Variants in FUBP3 observed in about 807,000 individuals in gnomAD.
FUBP3 encodes the protein far upstream element binding protein 3.
Under a neutral mutation model 85.6 loss-of-function variants are expected in FUBP3, and 28 were observed. That is an observed-to-expected ratio of 0.33 (90% CI 0.24 to 0.45). The LOEUF (loss-of-function observed/expected upper bound fraction) is 0.45. Among genes scored for constraint, FUBP3 ranks in the 20% least tolerant of loss-of-function variants. The probability of loss-of-function intolerance (pLI) is 1.00; values close to 1 mark genes in which losing one functional copy is unlikely to be tolerated. For missense variants in FUBP3, 583 were observed against 755.1 expected, an observed-to-expected ratio of 0.77 and a Z score of 2.67; for synonymous variants, 271 against 271.4, an observed-to-expected ratio of 1.00 and a Z score of 0.01.
intron 1 of FUBP3, among the ~76,000 whole-genome samples, chr9:130,594,040 A>C (rs1263976533): frequency 6.6e-6 from 1 of 152,204 alleles, no homozygotes; most frequent in Non-Finnish European, 1.5e-5. Context: ...TTGTCTGGAC[A>C]CTTCCAGTAA....
intron 1 of FUBP3, among the ~76,000 whole-genome samples, chr9:130,583,695 T>A (rs1232137761): frequency 6.6e-6 from 1 of 152,194 alleles, no homozygotes; most frequent in Non-Finnish European, 1.5e-5. Flanking sequence ...TGGGACCCAG[T>A]AGAGTACCTG....
At chr9:130,583,598 T>C (rs951404922) in intron 1 of FUBP3, among the ~76,000 whole-genome samples, 16 of 152,324 alleles carry the variant, frequency 1.1e-4, no homozygotes, top group African/African-American at 3.6e-4. Context: ...AACTCCTGCC[T>C]GTACACTCAT....
intron 10 of FUBP3, among the ~76,000 whole-genome samples, chr9:130,623,255 CGTG>C (rs1190496686): frequency 6.6e-6 from 1 of 152,134 alleles, no homozygotes; most frequent in Admixed American, 6.6e-5. Context: ...AAATTTTCGA[CGTG>C]GTCTGAAAAG....
chr9:130,620,331 G>A, intron 8 of FUBP3, 23 bp from the exon 9 acceptor site: 1 of 1,380,036 alleles, frequency 7.2e-7, no homozygotes, highest in Non-Finnish European at 1.0e-6. Flanking sequence ...TTCTCATAAT[G>A]CTTTTTGTTT....
intron 9 of FUBP3, among the ~76,000 whole-genome samples, chr9:130,622,477 C>G (rs1435774688): frequency 6.6e-6 from 1 of 151,936 alleles, no homozygotes; most frequent in Non-Finnish European, 1.5e-5. Context: ...ACTAAAAATA[C>G]AAAAATTCGC....
Position 130,596,881 on chromosome 9 carries a change from C to T in FUBP3, c.190+1293C>T, listed in dbSNP as rs141536268. ...AGCACCTCGTGGAAAACGGGGGTATCCATCCCCTCAAGCATTTATCTTTTG... is the reference window on the plus strand; with the variant it reads ...AGCACCTCGTGGAAAACGGGGGTATTCATCCCCTCAAGCATTTATCTTTTG... On this transcript the variant is annotated intron_variant, in intron 2 of 18. Coordinates refer to ENST00000319725, the MANE Select transcript of FUBP3 (RefSeq NM_003934.2). Among the ~76,000 whole-genome samples the T allele has an allele frequency of 7.7e-3, 1,165 of 152,198 alleles. 13 individuals are homozygous for T. The highest frequency in any genetic ancestry group is 0.017 in the Middle Eastern group (5 of 294).
chr9:130,615,526 A>G (rs1831959110), intron 6 of FUBP3, among the ~76,000 whole-genome samples: 1 of 152,130 alleles, frequency 6.6e-6, no homozygotes, highest in Non-Finnish European at 1.5e-5. Context: ...GTGTGTGGCA[A>G]TTTAGAGAAT....
chr9:130,620,216 A>G lies in FUBP3; in HGVS notation c.667-138A>G, dbSNP rs369785238. The G allele has an allele frequency of 3.2e-4, 170 of 529,534 alleles. 1 individual carries two copies. Among genetic ancestry groups the G allele is most frequent in the African/African-American group, 3.0e-3 (153 of 51,392 alleles). 32.8% of individuals were successfully genotyped at this position (529,534 alleles called of 1,614,324 possible). On this transcript the variant is annotated intron_variant, in intron 8 of 18. Transcript: ENST00000319725. ...ATACACACATCCCCCTACATGTCCC[A>G]TAAGCCATAAGTGAATTGTCCTACA... is the stretch of plus-strand genomic sequence containing the variant.
chr9:130,603,119 G>A (rs1286945137), intron 2 of FUBP3, among the ~76,000 whole-genome samples: 1 of 152,098 alleles, frequency 6.6e-6, no homozygotes, highest in African/African-American at 2.4e-5. Context: ...GGCTGAAGCG[G>A]GAGGATCACC....
At chr9:130,606,301 A>T (rs1199686314) in intron 2 of FUBP3, among the ~76,000 whole-genome samples, 1 of 152,132 alleles carries the variant, frequency 6.6e-6, no homozygotes, top group Non-Finnish European at 1.5e-5. Context: ...GAAGAGGCAG[A>T]GGAGGGGGGA....
Position 130,616,933 on chromosome 9 carries a change from A to G in FUBP3, c.567+416A>G, listed in dbSNP as rs992263197. On this transcript the variant is annotated intron_variant, in intron 7 of 18. Transcript: ENST00000319725. The surrounding 1 kb of genome is among the most constrained non-coding windows in gnomAD (Gnocchi z 4.7). ...GAAGGTTCAGGGTCTTTGTGTGTCA[A>G]AAGGGGCAAGTGCAGGCTTCACTGT... 6.6e-6 allele frequency among the ~76,000 whole-genome samples: 1 copy of G among 152,206 alleles called. No homozygotes were observed. Among genetic ancestry groups the G allele is most frequent in the Non-Finnish European group, 1.5e-5 (1 of 68,042 alleles).
chr9:130,596,724 C>A, intron 2 of FUBP3: 1 of 380,260 alleles, frequency 2.6e-6, no homozygotes. Flanking sequence ...TGAATAAACC[C>A]TATGTTAAGG....
intron 1 of FUBP3, among the ~76,000 whole-genome samples, chr9:130,592,521 C>G (rs1830671657): frequency 6.6e-6 from 1 of 152,112 alleles, no homozygotes; most frequent in Non-Finnish European, 1.5e-5. Context: ...TGTCTCCTAG[C>G]AGTCAAGGGG....
rs558392811 is a variant in FUBP3 at position 130,627,925 on chromosome 9, C to G, written c.1117+1420C>G. Among the ~76,000 whole-genome samples, 11 of 152,256 alleles carry G rather than the reference C, an allele frequency of 7.2e-5. No homozygotes were observed. In the South Asian group the frequency reaches 1.2e-3, roughly 17 times the overall value. ...CACAGAGCAGCCCCTCGTAGTTGGT[C>G]CTCCACAAAGTCATCCTGAGTGATT... is the stretch of plus-strand genomic sequence containing the variant. On this transcript the variant is annotated intron_variant, in intron 12 of 18. Transcript: ENST00000319725.
At chr9:130,620,988 G>A (rs1829720678) in intron 9 of FUBP3, among the ~76,000 whole-genome samples, 1 of 152,202 alleles carries the variant, frequency 6.6e-6, no homozygotes, top group Admixed American at 6.5e-5. Flanking sequence ...GTCAGATGCT[G>A]GGGGAAGGAG....
intron 2 of FUBP3, among the ~76,000 whole-genome samples, chr9:130,601,312 C>T (rs1025737323): frequency 6.6e-6 from 1 of 152,254 alleles, no homozygotes; most frequent in Non-Finnish European, 1.5e-5. Context: ...TTGCCCAGAG[C>T]TGATGGACAG....
At chr9:130,632,058 G>A (rs142060579) in intron 15 of FUBP3, 36 bp downstream of exon 15, 191 of 1,528,360 alleles carry the variant, frequency 1.2e-4, no homozygotes, top group African/African-American at 1.2e-3. Context: ...GGGGACAGAC[G>A]GCACTAAGGT....
Position 130,638,346 on chromosome 9 carries a change from CAA to C in FUBP3, c.*1326_*1327del, listed in dbSNP as rs1402512216. The C allele has an allele frequency of 8.5e-5, 13 of 152,592 alleles. No individual in the cohort carries two copies. The highest frequency in any genetic ancestry group is 2.9e-4 in the African/African-American group (12 of 41,460). 9.5% of individuals were successfully genotyped at this position (152,592 alleles called of 1,614,324 possible). On this transcript the variant is annotated 3_prime_UTR_variant, in exon 19 of 19. Transcript: ENST00000319725. ...AAATCTCCACAAGGCATCTTGTGGGCAAAGTCTTTCTGGCCTGTTTGCTTTCC... is the reference window on the plus strand; with the variant it reads ...AAATCTCCACAAGGCATCTTGTGGGCAGTCTTTCTGGCCTGTTTGCTTTCC...
At chr9:130,600,900 T>G (rs2119039642) in intron 2 of FUBP3, among the ~76,000 whole-genome samples, 1 of 152,140 alleles carries the variant, frequency 6.6e-6, no homozygotes, top group South Asian at 2.1e-4. Context: ...TGCCTGAGCC[T>G]GGGAGGTCAA....
Sources: gnomAD v4.1 joint callset for allele counts (sites outside exome capture counted in the v4.1 genomes callset) on GRCh38, gnomAD v4.1.1 for gene constraint, Gnocchi (gnomAD v3.1) non-coding constraint, MANE v1.5 for transcripts, NCBI Gene and HGNC (gene_info 2026-07-23, HGNC 2026-07-21) for gene names.